Variants in ZNF454 observed in about 807,000 individuals in gnomAD.
ZNF454 encodes zinc finger protein 454.
A neutral mutation model predicts 48.2 loss-of-function variants in ZNF454; 30 were observed. The observed-to-expected ratio is 0.62, with a 90% CI of 0.47 to 0.84. ZNF454 has a LOEUF of 0.84. Ranked by LOEUF, ZNF454 falls within the 40% of genes least tolerant of loss-of-function variation. The pLI, the probability that ZNF454 is intolerant of heterozygous loss-of-function variation, is 0.00. For synonymous variants in ZNF454, 204 were observed against 211.4 expected (o/e 0.97, Z 0.30); for missense variants, 510 against 623.1 (o/e 0.82, Z 1.93).
At chr5:178,989,786 C>A in the ZNF454 span, 7,861 of 348,482 alleles carry the variant, frequency 0.023, 139 homozygotes, top group African/African-American at 0.063. Flanking sequence ...GCCTCAGCAG[C>A]CATCTTGTGA....
chr5:178,986,296 C>A, the ZNF454 span: 7 of 1,613,726 alleles, frequency 4.3e-6, no homozygotes, highest in African/African-American at 2.7e-5. Context: ...GAAGAGCCTG[C>A]GGGCGGCACA....
chr5:178,981,811 C>T, the ZNF454 span: 1 of 1,613,304 alleles, frequency 6.2e-7, no homozygotes, highest in South Asian at 1.1e-5. This position sits in a 1 kb window ranked among gnomAD's most constrained non-coding sequence, Gnocchi z 5.1. Context: ...CACCGAGGCA[C>T]TCAGGCTCAA....
In ZNF454 at chr5:178,941,502, T is replaced by C; in HGVS notation, c.-108+58T>C. On this transcript the variant is annotated intron_variant, in intron 1 of 4. Coordinates refer to ENST00000519564, the MANE Select transcript of ZNF454 (RefSeq NM_001178089.3). The surrounding 1 kb of genome is among the most constrained non-coding windows in gnomAD (Gnocchi z 5.5). ...ACGGCCAGGGGTGGTCATCCTGGGC[T>C]GAGGGTCGAGTCTGTGAGTGCCTGT... is the stretch of plus-strand genomic sequence containing the variant. The C allele has an allele frequency of 2.2e-6, 1 of 456,540 alleles. No homozygotes were observed. The highest frequency in any genetic ancestry group is 1.5e-5 in the South Asian group (1 of 64,562). The allele number at this position is 456,540 out of a possible 1,614,324, so 28.3% of individuals were successfully genotyped here. A position where few individuals can be genotyped will look rare whatever the true frequency, so the allele number is the denominator to read the frequency against.
downstream of ZNF454, among the ~76,000 whole-genome samples, chr5:178,970,758 A>T (rs142928609): frequency 9.8e-4 from 150 of 152,322 alleles, no homozygotes; most frequent in African/African-American, 3.2e-3. Context: ...ATTATTCATC[A>T]GTGTGTCTTT....
chr5:178,960,188 C>T (rs945248996), intron 4 of ZNF454, among the ~76,000 whole-genome samples: 5 of 151,158 alleles, frequency 3.3e-5, no homozygotes, highest in African/African-American at 7.3e-5. Context: ...TAGACTCAAG[C>T]GGTCCTCCTG....
chr5:178,973,312 C>A, the ZNF454 span, among the ~76,000 whole-genome samples: 51 of 152,220 alleles, frequency 3.4e-4, no homozygotes, highest in African/African-American at 1.1e-3. Flanking sequence ...TTTCAAATTT[C>A]CAAGCTGCAG....
chr5:178,956,678 T>A (rs1460512028), intron 4 of ZNF454, among the ~76,000 whole-genome samples: 2 of 53,012 alleles, frequency 3.8e-5, no homozygotes, highest in South Asian at 5.2e-4. Context: ...TTATTTAATT[T>A]ATTTATTTAT....
the ZNF454 span, among the ~76,000 whole-genome samples, chr5:178,977,980 C>G: frequency 1.3e-5 from 2 of 152,338 alleles, no homozygotes; most frequent in South Asian, 4.1e-4. Context: ...GAGCCTTATT[C>G]CTTCTTGGTT....
chr5:178,986,320 G>A, the ZNF454 span: 1 of 1,614,026 alleles, frequency 6.2e-7, no homozygotes, highest in African/African-American at 1.3e-5. Context: ...CGCGGCCCCA[G>A]GCTCAGCCAC....
the ZNF454 span, among the ~76,000 whole-genome samples, chr5:178,972,224 G>A: frequency 3.9e-5 from 6 of 152,024 alleles, no homozygotes; most frequent in East Asian, 5.8e-4. Flanking sequence ...GTGAGCCACC[G>A]CACCTGGCTA....
chr5:178,983,862 C>T, the ZNF454 span, among the ~76,000 whole-genome samples: 1 of 152,162 alleles, frequency 6.6e-6, no homozygotes. Context: ...AAAGGCGGGA[C>T]CCTGGAAGGG....
rs547388637 is a variant in ZNF454 at position 178,962,079 on chromosome 5, ATC to A, written c.251-2572_251-2571del. ...TTAATGTAGATCTGCTGGTGACACCATCTCTGTTTTTATTTGTATGGAAATAT... is the reference window on the plus strand; with the variant it reads ...TTAATGTAGATCTGCTGGTGACACCATCTGTTTTTATTTGTATGGAAATAT... On this transcript the variant is annotated intron_variant, in intron 4 of 4. Transcript: ENST00000519564. Among the ~76,000 whole-genome samples, 4 of 151,550 alleles carry A rather than the reference ATC, an allele frequency of 2.6e-5. 1 individual carries two copies. In the East Asian group the frequency reaches 8.1e-4, roughly 31 times the overall value.
chr5:178,982,665 C>G, the ZNF454 span: 1 of 384,328 alleles, frequency 2.6e-6, no homozygotes, highest in Non-Finnish European at 4.5e-6. Context: ...CAGAGTGAGG[C>G]AATATCTCTC....
the ZNF454 span, among the ~76,000 whole-genome samples, chr5:178,973,031 G>T: frequency 2.7e-5 from 4 of 150,522 alleles, no homozygotes; most frequent in Non-Finnish European, 5.9e-5. Context: ...TTCTGATCGT[G>T]GTGGCTGACA....
rs761541175 is a variant in ZNF454 at position 178,941,412 on chromosome 5, G to A, written c.-140G>A. 1 of 456,732 alleles carries A rather than the reference G, an allele frequency of 2.2e-6. No homozygotes were observed. The highest frequency in any genetic ancestry group is 1.5e-5 in the South Asian group (1 of 64,566). 28.3% of individuals were successfully genotyped at this position (456,732 alleles called of 1,614,324 possible). On this transcript the variant is annotated 5_prime_UTR_variant, in exon 1 of 5. Coordinates refer to ENST00000519564, the MANE Select transcript of ZNF454 (RefSeq NM_001178089.3). The surrounding 1 kb of genome is among the most constrained non-coding windows in gnomAD (Gnocchi z 5.5). ...GTGCGGGTTGTGGTCCATTCTGGAGGACGCTGATCGAATGCCCCAAACTTC... is the reference window on the plus strand; with the variant it reads ...GTGCGGGTTGTGGTCCATTCTGGAGAACGCTGATCGAATGCCCCAAACTTC...
chr5:178,983,080 C>G, the ZNF454 span: 1 of 1,614,132 alleles, frequency 6.2e-7, no homozygotes, highest in South Asian at 1.1e-5. Context: ...AGGCTGTAGC[C>G]CAGGCAGCCG....
At chr5:178,957,652 G>C (rs1156440130) in intron 4 of ZNF454, among the ~76,000 whole-genome samples, 1 of 152,086 alleles carries the variant, frequency 6.6e-6, no homozygotes, top group Non-Finnish European at 1.5e-5. Context: ...CTCCAATGTA[G>C]GTAGGGGTAG....
rs774775863 is a variant in ZNF454 at position 178,965,782 on chromosome 5, A to G, written c.1378A>G (p.Arg460Gly). 8.1e-5 allele frequency: 130 copies of G among 1,614,096 alleles called. No homozygotes were observed. The highest frequency in any genetic ancestry group is 1.0e-4 in the Non-Finnish European group (122 of 1,180,050). The change falls in exon 5 of 5, where the codon AGA (arginine) becomes GGA (glycine). Residue 460 changes from arginine (R) to glycine (G), a missense_variant. Physicochemically the swap from Arg to Gly is moderately radical, Grantham distance 125. Transcript: ENST00000519564. This position sits in a 1 kb window ranked among gnomAD's most constrained non-coding sequence, Gnocchi z 5.2. ...CCATTCAGCCCTTACCCAACATAAGAGAATTCATACTAGGGAAAAACCTTA... is the reference window on the plus strand; with the variant it reads ...CCATTCAGCCCTTACCCAACATAAGGGAATTCATACTAGGGAAAAACCTTA... ...SDHSALTQHK[R>G]IHTREKPYKC...
the ZNF454 span, chr5:178,983,207 T>A: frequency 6.8e-6 from 11 of 1,612,114 alleles, no homozygotes; most frequent in African/African-American, 6.7e-5. Context: ...CCAGCCATGC[T>A]ATCATCCCCA....
Sources: allele counts gnomAD v4.1 joint callset (sites outside exome capture counted in the v4.1 genomes callset), GRCh38; gene constraint gnomAD v4.1.1; non-coding constraint Gnocchi (gnomAD v3.1); transcripts MANE v1.5; gene names NCBI Gene and HGNC (gene_info 2026-07-23, HGNC 2026-07-21).